The following GRM8 variants were observed in gnomAD, a reference collection of about 807,000 sequenced individuals.
The protein encoded by GRM8 is metabotropic glutamate receptor 8.
A neutral mutation model predicts 87.2 loss-of-function variants in GRM8; 47 were observed. The ratio of observed to expected loss-of-function variants is 0.54; its 90% CI spans 0.43 to 0.69. The LOEUF (loss-of-function observed/expected upper bound fraction) is 0.69, where lower values mean the gene tolerates loss of function less well. Among genes scored for constraint, GRM8 ranks in the 30% least tolerant of loss-of-function variants. The pLI, the probability that GRM8 is intolerant of heterozygous loss-of-function variation, is 0.00. For missense variants in GRM8, 1,019 were observed against 1,139.2 expected (o/e 0.89, Z 1.52); for synonymous variants, 396 against 404.5 (o/e 0.98, Z 0.25).
chr7:126,578,650 T>A (rs1795322271), intron 8 of GRM8, among the ~76,000 whole-genome samples: 1 of 152,140 alleles, frequency 6.6e-6, no homozygotes, highest in Admixed American at 6.6e-5. Context: ...TCTAGAAGGA[T>A]GAGGGGCTCC....
chr7:127,131,798 G>A (rs1827704541), intron 2 of GRM8, among the ~76,000 whole-genome samples: 1 of 151,534 alleles, frequency 6.6e-6, no homozygotes, highest in Non-Finnish European at 1.5e-5. Flanking sequence ...ATTATTTCTT[G>A]CTATATTACT....
chr7:126,539,740 G>A (rs1238745153), intron 8 of GRM8, among the ~76,000 whole-genome samples: 1 of 151,424 alleles, frequency 6.6e-6, no homozygotes, highest in Non-Finnish European at 1.5e-5. Context: ...AAAATAACTG[G>A]ATATCCATAT....
chr7:127,013,803 T>A (rs1195446867), intron 3 of GRM8, among the ~76,000 whole-genome samples: 2 of 152,246 alleles, frequency 1.3e-5, no homozygotes, highest in Non-Finnish European at 2.9e-5. Context: ...ATAAAACCTA[T>A]AATCAAATCC....
At chr7:126,700,568 C>A (rs1170953808) in intron 7 of GRM8, among the ~76,000 whole-genome samples, 2 of 151,978 alleles carry the variant, frequency 1.3e-5, no homozygotes, top group African/African-American at 2.4e-5. Flanking sequence ...TTATTATAAT[C>A]TGTATTTTAA....
At chr7:126,771,336 T>C (rs916170739) in intron 6 of GRM8, among the ~76,000 whole-genome samples, 22 of 152,008 alleles carry the variant, frequency 1.4e-4, no homozygotes, top group African/African-American at 5.3e-4. Flanking sequence ...CTGGTCTTAA[T>C]CACTTGTGAC....
At chr7:126,973,755 G>C (rs1586641091) in intron 3 of GRM8, among the ~76,000 whole-genome samples, 1 of 152,204 alleles carries the variant, frequency 6.6e-6, no homozygotes. Context: ...CACTAAGAAA[G>C]ATAAGGCAGA....
At position 126,654,210 on chromosome 7, in the gene GRM8, T is replaced by C. The variant is rs537954615; in HGVS notation, c.1358-44712A>G. ...TGATTTTTCAGACCAACTCATGGTC[T>C]TTCTGGCTTATGGTTATACTGATCG... is the stretch of plus-strand genomic sequence containing the variant. On this transcript the variant is annotated intron_variant, in intron 7 of 10. Coordinates refer to ENST00000339582, the MANE Select transcript of GRM8 (RefSeq NM_000845.3). 8.5e-5 allele frequency among the ~76,000 whole-genome samples: 13 copies of C among 152,354 alleles called. No homozygotes were observed. In the East Asian group the frequency reaches 2.3e-3, roughly 27 times the overall value.
intron 7 of GRM8, among the ~76,000 whole-genome samples, chr7:126,740,329 A>C (rs1297588717): frequency 6.6e-6 from 1 of 152,066 alleles, no homozygotes; most frequent in African/African-American, 2.4e-5. Context: ...ATATGGGGCA[A>C]TTTTTTATTC....
intron 8 of GRM8, among the ~76,000 whole-genome samples, chr7:126,583,199 T>C (rs1795774059): frequency 6.6e-6 from 1 of 151,734 alleles, no homozygotes; most frequent in South Asian, 2.1e-4. Context: ...CTACTAAAAA[T>C]ACAAAAATTA....
intron 3 of GRM8, among the ~76,000 whole-genome samples, chr7:126,996,781 C>A (rs1370923839): frequency 1.3e-5 from 2 of 151,848 alleles, no homozygotes; most frequent in African/African-American, 4.8e-5. Flanking sequence ...CTTGAACACC[C>A]AGATATATAA....
intron 3 of GRM8, among the ~76,000 whole-genome samples, chr7:127,058,439 C>G (rs1025076212): frequency 1.3e-5 from 2 of 152,166 alleles, no homozygotes; most frequent in African/African-American, 4.8e-5. Flanking sequence ...TGCCCCATAA[C>G]TAGTTACACT....
chr7:127,218,081 G>A (rs566200144), intron 2 of GRM8, among the ~76,000 whole-genome samples: 6 of 152,188 alleles, frequency 3.9e-5, no homozygotes, highest in Non-Finnish European at 8.8e-5. Context: ...CATTGGTAAT[G>A]CCCAGTTAAT....
At chr7:126,885,846 T>C (rs1800442735) in intron 6 of GRM8, among the ~76,000 whole-genome samples, 3 of 152,160 alleles carry the variant, frequency 2.0e-5, no homozygotes, top group Non-Finnish European at 4.4e-5. Context: ...GGAAATCCAA[T>C]TTGTAATCAC....
chr7:126,724,560 T>C (rs896364786), intron 7 of GRM8, among the ~76,000 whole-genome samples: 2 of 152,058 alleles, frequency 1.3e-5, no homozygotes, highest in African/African-American at 4.8e-5. Context: ...CCACTGAGAG[T>C]CTGGCATTGC....
chr7:126,658,166 T>C (rs1019008904), intron 7 of GRM8, among the ~76,000 whole-genome samples: 1 of 152,142 alleles, frequency 6.6e-6, no homozygotes, highest in African/African-American at 2.4e-5. Flanking sequence ...CTGAGTGAAG[T>C]TGATGGCATA....
intron 2 of GRM8, among the ~76,000 whole-genome samples, chr7:127,197,736 C>T (rs1413063851): frequency 2.0e-5 from 3 of 152,024 alleles, no homozygotes; most frequent in Non-Finnish European, 2.9e-5. Flanking sequence ...TGAAGGAGAA[C>T]CAAGTATAGA....
rs201970203 is a variant in GRM8 at position 126,673,567 on chromosome 7, C to CT, written c.1358-64070dup. 2.6e-5 allele frequency among the ~76,000 whole-genome samples: 4 copies of CT among 152,272 alleles called. No homozygotes were observed. In the East Asian group the frequency reaches 7.7e-4, roughly 29 times the overall value. Reference sequence around the variant, plus strand: ...ACATGGATTCCCATCCTCCCACTGTCTTTATAGACAGGTGTGTGGGGCCGA... The same window carrying CT: ...ACATGGATTCCCATCCTCCCACTGTCTTTTATAGACAGGTGTGTGGGGCCGA... On this transcript the variant is annotated intron_variant, in intron 7 of 10. Coordinates refer to ENST00000339582, the MANE Select transcript of GRM8 (RefSeq NM_000845.3).
chr7:126,977,664 G>A (rs1811140854), intron 3 of GRM8, among the ~76,000 whole-genome samples: 1 of 152,214 alleles, frequency 6.6e-6, no homozygotes, highest in South Asian at 2.1e-4. Context: ...ATCAGTAACA[G>A]TTTCAACAGC....
intron 1 of GRM8, among the ~76,000 whole-genome samples, chr7:127,249,589 G>A (rs192135057): frequency 5.9e-4 from 90 of 152,198 alleles, no homozygotes; most frequent in Non-Finnish European, 9.4e-4. Context: ...TATGCTCAGC[G>A]TCCCTCCCAG....
Sources: allele counts gnomAD v4.1 joint callset (sites outside exome capture counted in the v4.1 genomes callset), GRCh38; gene constraint gnomAD v4.1.1; transcripts MANE v1.5; gene names NCBI Gene and HGNC (gene_info 2026-07-23, HGNC 2026-07-21).